Variants in PRELID2 observed in about 807,000 individuals in gnomAD.
PRELID2 encodes the protein PRELI domain containing 2.
In PRELID2, 25 loss-of-function variants were observed where a neutral mutation model predicts 28.4. The ratio of observed to expected loss-of-function variants is 0.88; its 90% CI spans 0.64 to 1.23. The LOEUF is 1.23. Among genes scored for constraint, PRELID2 ranks in the 50% most tolerant of loss-of-function variants. PRELID2 has a pLI of 0.00. For synonymous variants in PRELID2, 76 were observed against 71.6 expected (o/e 1.06, Z -0.31); for missense variants, 201 against 214.4 (o/e 0.94, Z 0.39).
At chr5:145,564,910 C>G (rs999232124) in intron 1 of PRELID2, among the ~76,000 whole-genome samples, 1 of 152,210 alleles carries the variant, frequency 6.6e-6, no homozygotes, top group Admixed American at 6.5e-5. Context: ...GTTCCCCAAC[C>G]CTTCAGGCTT....
At position 145,508,257 on chromosome 5, in the gene PRELID2, C is replaced by T. The variant is rs201815582; in HGVS notation, n.71-34942G>A. Among the ~76,000 whole-genome samples, 282 of 149,620 alleles carry T rather than the reference C, an allele frequency of 1.9e-3. 1 individual carries two copies. Among genetic ancestry groups the T allele is most frequent in the Admixed American group, 6.6e-3 (98 of 14,904 alleles). ...TAGGCTGGAGTTACTTTTGCATAGA[C>T]AGATAGATAGATAGATAGATAGATA... On this transcript the variant is annotated intron_variant and non_coding_transcript_variant, in intron 1 of 2. Coordinates refer to the PRELID2 transcript ENST00000510259.
chr5:145,493,793 C>T (rs1392660149), intron 1 of PRELID2, among the ~76,000 whole-genome samples: 1 of 152,170 alleles, frequency 6.6e-6, no homozygotes, highest in African/African-American at 2.4e-5. Flanking sequence ...TGAGGCTTCT[C>T]CTAAAATCCC....
At chr5:145,411,432 A>G in the PRELID2 span, among the ~76,000 whole-genome samples, 4 of 152,226 alleles carry the variant, frequency 2.6e-5, no homozygotes, top group Admixed American at 2.6e-4. Flanking sequence ...ATCTGTCATT[A>G]AACCTTAAAG....
chr5:145,438,118 A>G, the PRELID2 span, among the ~76,000 whole-genome samples: 1 of 152,256 alleles, frequency 6.6e-6, no homozygotes, highest in Admixed American at 6.5e-5. Context: ...AGGGGATCAA[A>G]TGTGGTTCAC....
chr5:145,531,010 A>T (rs1239753867), intron 1 of PRELID2, among the ~76,000 whole-genome samples: 16 of 152,070 alleles, frequency 1.1e-4, no homozygotes, highest in Admixed American at 1.0e-3. Context: ...TTTGTTTTTT[A>T]ATTGGAAGTA....
chr5:145,827,216 T>G (rs1755252213), intron 1 of PRELID2, among the ~76,000 whole-genome samples: 1 of 152,202 alleles, frequency 6.6e-6, no homozygotes, highest in Non-Finnish European at 1.5e-5. Flanking sequence ...GAAAAGAGAT[T>G]TGGTGTTTAG....
intron 1 of PRELID2, among the ~76,000 whole-genome samples, chr5:145,670,381 C>T (rs62392298): frequency 9.9e-5 from 15 of 152,082 alleles, no homozygotes; most frequent in South Asian, 4.1e-4. Context: ...TCCATCCCCA[C>T]GACACAAACA....
intron 1 of PRELID2, among the ~76,000 whole-genome samples, chr5:145,722,004 T>C (rs1756003312): frequency 6.6e-6 from 1 of 152,114 alleles, no homozygotes; most frequent in African/African-American, 2.4e-5. Flanking sequence ...ACGCTAAAAA[T>C]AGACTTTAGT....
chr5:145,431,022 T>TA, the PRELID2 span, among the ~76,000 whole-genome samples: 1 of 147,422 alleles, frequency 6.8e-6, no homozygotes, highest in African/African-American at 2.5e-5. Context: ...TTTTTTTTTT[T>TA]TTTTTTTTTT....
At chr5:145,795,510 C>T (rs561581672) in intron 5 of PRELID2, 1 of 152,164 alleles carries the variant, frequency 6.6e-6, no homozygotes, top group African/African-American at 2.4e-5. Context: ...TGAACCTAGA[C>T]ATGCAAAAAT....
At chr5:145,404,915 G>C in the PRELID2 span, among the ~76,000 whole-genome samples, 18 of 152,254 alleles carry the variant, frequency 1.2e-4, no homozygotes, top group African/African-American at 4.3e-4. Context: ...TGGCTCTGGG[G>C]GGATACAGAG....
chr5:145,412,187 C>A, the PRELID2 span, among the ~76,000 whole-genome samples: 1 of 152,116 alleles, frequency 6.6e-6, no homozygotes, highest in Non-Finnish European at 1.5e-5. Context: ...TTTCTGCAGC[C>A]GTCTTGAATT....
chr5:145,428,525 G>A, the PRELID2 span, among the ~76,000 whole-genome samples: 1 of 152,154 alleles, frequency 6.6e-6, no homozygotes, highest in African/African-American at 2.4e-5. Context: ...GTCAAAGGCT[G>A]GAAGGGCTAC....
the PRELID2 span, among the ~76,000 whole-genome samples, chr5:145,271,801 G>A: frequency 3.9e-5 from 6 of 152,032 alleles, no homozygotes; most frequent in Admixed American, 2.0e-4. Flanking sequence ...CAATTCATCC[G>A]CAAGACATAT....
intron 1 of PRELID2, among the ~76,000 whole-genome samples, chr5:145,602,696 T>C (rs1753414186): frequency 6.6e-6 from 1 of 152,064 alleles, no homozygotes; most frequent in Non-Finnish European, 1.5e-5. Context: ...AATAAAAATA[T>C]AAATCTGTAA....
the PRELID2 span, among the ~76,000 whole-genome samples, chr5:145,453,459 T>A: frequency 2.8e-4 from 43 of 152,152 alleles, no homozygotes; most frequent in Non-Finnish European, 4.3e-4. Context: ...CTTTTTTATT[T>A]CGTTTATTTA....
intron 1 of PRELID2, among the ~76,000 whole-genome samples, chr5:145,547,862 C>T (rs191284278): frequency 2.6e-5 from 4 of 152,148 alleles, no homozygotes; most frequent in Admixed American, 6.6e-5. Flanking sequence ...GATCATCTGC[C>T]AAATGCAATG....
the PRELID2 span, among the ~76,000 whole-genome samples, chr5:145,301,905 C>T: frequency 6.8e-6 from 1 of 147,908 alleles, no homozygotes; most frequent in South Asian, 2.1e-4. Flanking sequence ...AGCAGGTAAC[C>T]TAAGTCATCC....
chr5:145,382,604 A>G, the PRELID2 span, among the ~76,000 whole-genome samples: 155 of 152,068 alleles, frequency 1.0e-3, no homozygotes, highest in Non-Finnish European at 1.8e-3. Flanking sequence ...ATATCCATCC[A>G]GCATTTTTTC....
Sources: allele counts gnomAD v4.1 joint callset (sites outside exome capture counted in the v4.1 genomes callset), GRCh38; gene constraint gnomAD v4.1.1; transcripts MANE v1.5; gene names NCBI Gene and HGNC (gene_info 2026-07-23, HGNC 2026-07-21).